IL1RAPL1: variants seen among roughly 807,000 people sequenced by gnomAD.
IL1RAPL1 encodes interleukin-1 receptor accessory protein-like 1.
IL1RAPL1 carries 3 observed loss-of-function variants against 48.4 expected under a neutral mutation model. The observed-to-expected ratio is 0.06, with a 90% CI of 0.03 to 0.16. The LOEUF is 0.16. Ranked by LOEUF, IL1RAPL1 falls within the 10% of genes least tolerant of loss-of-function variation. IL1RAPL1 has a pLI of 1.00. For missense variants in IL1RAPL1, 349 were observed against 530.6 expected (o/e 0.66, Z 3.36); for synonymous variants, 185 against 187.7 (o/e 0.99, Z 0.12).
intron 3 of IL1RAPL1, among the ~76,000 whole-genome samples, chrX:29,375,598 A>G (rs1168466407): frequency 8.9e-6 from 1 of 111,865 alleles, no homozygotes; most frequent in Non-Finnish European, 1.9e-5. Context: ...AAACCTAAGG[A>G]AACGACCCTC....
intron 6 of IL1RAPL1, among the ~76,000 whole-genome samples, chrX:29,854,510 C>T (rs913848900): frequency 1.1e-4 from 12 of 111,422 alleles, no homozygotes; most frequent in Non-Finnish European, 1.9e-4. Flanking sequence ...TCCACCTAGT[C>T]GTCAGAATTG....
chrX:29,010,704 A>G (rs1353878215), intron 2 of IL1RAPL1, among the ~76,000 whole-genome samples: 1 of 111,783 alleles, frequency 8.9e-6, no homozygotes, highest in African/African-American at 3.2e-5. Context: ...TAATGTGTAG[A>G]TGGTGGAGGG....
chrX:29,336,733 C>T (rs986139804), intron 3 of IL1RAPL1, among the ~76,000 whole-genome samples: 4 of 111,231 alleles, frequency 3.6e-5, no homozygotes, highest in African/African-American at 1.3e-4. Flanking sequence ...TCTAGTGTTA[C>T]CAGATTGAGG....
rs1414824425 is a variant in IL1RAPL1 at position 29,956,240 on chromosome X, G to T, written c.*420G>T. On this transcript the variant is annotated 3_prime_UTR_variant, in exon 11 of 11. Coordinates refer to ENST00000378993, the MANE Select transcript of IL1RAPL1 (RefSeq NM_014271.4). ...CTATCCGATGGGACAAGGAGCACCG[G>T]ATTCTTTCTCGGGTTCTGCCTAGCA... 7.3e-6 allele frequency: 1 copy of T among 136,708 alleles called. No individual in the cohort carries two copies. The highest frequency in any genetic ancestry group is 1.4e-5 in the Non-Finnish European group (1 of 72,270). 11.3% of individuals were successfully genotyped at this position (136,708 alleles called of 1,213,427 possible).
At chrX:29,182,995 A>G (rs1353702839) in intron 2 of IL1RAPL1, among the ~76,000 whole-genome samples, 4 of 111,147 alleles carry the variant, frequency 3.6e-5, no homozygotes, top group Non-Finnish European at 7.5e-5. Flanking sequence ...AGGCAAACAG[A>G]AGGGATTCTT....
At chrX:29,383,954 A>G (rs7876610) in intron 3 of IL1RAPL1, among the ~76,000 whole-genome samples, 5,758 of 112,175 alleles carry the variant, frequency 0.051, 361 homozygotes, top group African/African-American at 0.18. Context: ...AAAGTACCTT[A>G]ACTTATTACA....
intron 3 of IL1RAPL1, among the ~76,000 whole-genome samples, chrX:29,293,418 T>C (rs1214811403): frequency 9.0e-6 from 1 of 111,110 alleles, no homozygotes; most frequent in Non-Finnish European, 1.9e-5. Flanking sequence ...TTGAGAACTC[T>C]TTGAAATCAA....
chrX:29,367,572 A>G (rs1476398407), intron 3 of IL1RAPL1, among the ~76,000 whole-genome samples: 2 of 104,494 alleles, frequency 1.9e-5, no homozygotes, highest in African/African-American at 7.0e-5. Context: ...TTATTTATTT[A>G]TTTATTTATT....
At chrX:29,824,550 C>T (rs947484603) in intron 6 of IL1RAPL1, among the ~76,000 whole-genome samples, 18 of 112,014 alleles carry the variant, frequency 1.6e-4, no homozygotes, top group African/African-American at 5.2e-4. Flanking sequence ...CAATCCAATT[C>T]GAAGCCATGT....
In IL1RAPL1 at chrX:28,754,423, A is replaced by G. The variant is rs573038964; in HGVS notation, c.-24-34897A>G. 4.5e-4 allele frequency among the ~76,000 whole-genome samples: 50 copies of G among 111,834 alleles called. 1 individual carries two copies. The highest frequency in any genetic ancestry group is 7.4e-4 in the South Asian group (2 of 2,714). ...AGTTCATTCTTCCTCTTGAATATAT[A>G]TTTTCATTGAATTTTCTTCCTGTTA... On this transcript the variant is annotated intron_variant, in intron 1 of 10. Transcript: ENST00000378993.
At chrX:29,178,519 C>T (rs1345722598) in intron 2 of IL1RAPL1, among the ~76,000 whole-genome samples, 1 of 111,740 alleles carries the variant, frequency 8.9e-6, no homozygotes, top group Admixed American at 9.5e-5. Flanking sequence ...AGGTAGATTA[C>T]AAAAGTTTTC....
chrX:29,886,316 G>A (rs972657869), intron 6 of IL1RAPL1, among the ~76,000 whole-genome samples: 2 of 112,296 alleles, frequency 1.8e-5, no homozygotes, highest in Non-Finnish European at 3.8e-5. Context: ...CTAGAAGTAA[G>A]CAATAAGCAA....
rs1488085552 is a variant in IL1RAPL1, at chrX:29,705,305, C to T, written c.778+36801C>T. ...TCTTGGCTCACTGAAACCTCTGCCTCCTGGGTTTGAGTGATTCTCGTTCCT... is the reference window on the plus strand; with the variant it reads ...TCTTGGCTCACTGAAACCTCTGCCTTCTGGGTTTGAGTGATTCTCGTTCCT... On this transcript the variant is annotated intron_variant, in intron 6 of 10. Coordinates refer to ENST00000378993, the MANE Select transcript of IL1RAPL1 (RefSeq NM_014271.4). Among the ~76,000 whole-genome samples the T allele has an allele frequency of 4.5e-5, 5 of 111,669 alleles. No individual in the cohort carries two copies. The Admixed American group carries it at 4.8e-4, about 11-fold the overall frequency.
intron 6 of IL1RAPL1, among the ~76,000 whole-genome samples, chrX:29,717,081 C>T (rs931053135): frequency 3.3e-4 from 36 of 110,119 alleles, no homozygotes; most frequent in African/African-American, 1.1e-3. Context: ...ATTGATAAGT[C>T]TTCATAGAGT....
chrX:29,528,951 C>T (rs1271333456), intron 5 of IL1RAPL1, among the ~76,000 whole-genome samples: 1 of 110,843 alleles, frequency 9.0e-6, no homozygotes, highest in East Asian at 2.8e-4. Flanking sequence ...CTTGTGTGTG[C>T]CTCCAGATGC....
At chrX:29,183,984 G>A (rs779063417) in intron 2 of IL1RAPL1, among the ~76,000 whole-genome samples, 23 of 111,804 alleles carry the variant, frequency 2.1e-4, no homozygotes, top group African/African-American at 7.1e-4. Flanking sequence ...GTGGGCCACC[G>A]TGTCCAGCCC....
chrX:28,737,243 C>G (rs2146950685), intron 1 of IL1RAPL1, among the ~76,000 whole-genome samples: 1 of 82,022 alleles, frequency 1.2e-5, no homozygotes, highest in African/African-American at 4.5e-5. Flanking sequence ...TTCTTTCTTT[C>G]TTTCTTTCTT....
rs148932879 is a variant in IL1RAPL1, at chrX:28,844,387, G to C, written c.82+54962G>C. Among the ~76,000 whole-genome samples the C allele has an allele frequency of 7.4e-3, 802 of 108,687 alleles. 20 individuals carry two copies. Among genetic ancestry groups the C allele is most frequent in the Admixed American group, 0.063 (635 of 10,117 alleles). 94.4% of individuals were successfully genotyped at this position (108,687 alleles called of 115,157 possible). A position where few individuals can be genotyped will look rare whatever the true frequency, so the allele number is the denominator to read the frequency against. ...ATGCCATTTCTAGGTTTAGACCTTA[G>C]GAGACCTTGAATGCTTCCATTTATT... On this transcript the variant is annotated intron_variant, in intron 2 of 10. Transcript: ENST00000378993.
At chrX:28,834,495 A>C (rs1246966117) in intron 2 of IL1RAPL1, among the ~76,000 whole-genome samples, 2 of 111,181 alleles carry the variant, frequency 1.8e-5, no homozygotes, top group Non-Finnish European at 3.8e-5. Flanking sequence ...GTTTAAACAA[A>C]AAGCCTTCTT....
Sources: gnomAD v4.1 joint callset for allele counts (sites outside exome capture counted in the v4.1 genomes callset) on GRCh38, gnomAD v4.1.1 for gene constraint, MANE v1.5 for transcripts, NCBI Gene and HGNC (gene_info 2026-07-23, HGNC 2026-07-21) for gene names.